SUGCT: variants seen among roughly 807,000 people sequenced by gnomAD.
SUGCT encodes the protein succinyl-CoA:glutarate-CoA transferase.
Under a neutral mutation model 55.0 loss-of-function variants are expected in SUGCT, and 41 were observed. The observed-to-expected ratio is 0.74, with a 90% CI of 0.58 to 0.97. The LOEUF (loss-of-function observed/expected upper bound fraction) is 0.97, where lower values mean the gene tolerates loss of function less well. SUGCT is among the 50% of genes least tolerant of loss of function. The pLI is 0.00. For missense variants in SUGCT, 568 were observed against 547.8 expected (o/e 1.04, Z -0.37); for synonymous variants, 187 against 200.4 (o/e 0.93, Z 0.56).
intron 12 of SUGCT, among the ~76,000 whole-genome samples, chr7:40,571,600 AG>A (rs1248522908): frequency 6.6e-6 from 1 of 152,238 alleles, no homozygotes; most frequent in Non-Finnish European, 1.5e-5. Flanking sequence ...CATTTGACAT[AG>A]TATTTTGAAC....
At chr7:40,274,073 C>CTTTTTTTT (rs386409972) in intron 7 of SUGCT, among the ~76,000 whole-genome samples, 2,522 of 68,056 alleles carry the variant, frequency 0.037, 196 homozygotes, top group African/African-American at 0.056. Flanking sequence ...TTTTTACCTT[C>CTTTTTTTT]TTTTTTTTTT....
chr7:40,632,632 C>A (rs2151811811), intron 12 of SUGCT, among the ~76,000 whole-genome samples: 1 of 151,422 alleles, frequency 6.6e-6, no homozygotes, highest in East Asian at 1.9e-4. Flanking sequence ...TGTTATGTAT[C>A]TGTTTCCATA....
chr7:40,316,987 G>A (rs1299847861), intron 9 of SUGCT, 132 bp downstream of exon 9: 1 of 395,210 alleles, frequency 2.5e-6, no homozygotes, highest in East Asian at 3.8e-5. Context: ...ATGTATCTGT[G>A]TCTGGCTATA....
chr7:40,290,258 T>C (rs1001008055), intron 8 of SUGCT, among the ~76,000 whole-genome samples: 26 of 152,036 alleles, frequency 1.7e-4, no homozygotes, highest in African/African-American at 5.6e-4. Flanking sequence ...TCAAACTATA[T>C]TACAAGGCTA....
rs989110131 is a variant in SUGCT, at chr7:40,673,891, G to A, written c.1090-75543G>A. On this transcript the variant is annotated intron_variant, in intron 12 of 13. Coordinates refer to ENST00000335693, the MANE Select transcript of SUGCT (RefSeq NM_001193313.2). ...TCCCTCAATTATACAAAGGGTTTTT[G>A]CTACCTTAAAAGATATTCCAGATAT... Among the ~76,000 whole-genome samples, 7 of 152,062 alleles carry A rather than the reference G, an allele frequency of 4.6e-5. No homozygotes were observed. The South Asian group carries it at 6.2e-4, about 14-fold the overall frequency.
chr7:40,352,162 T>G (rs1583489070), intron 9 of SUGCT, among the ~76,000 whole-genome samples: 1 of 152,190 alleles, frequency 6.6e-6, no homozygotes, highest in Non-Finnish European at 1.5e-5. Flanking sequence ...AAAGAATTTT[T>G]TGTTCTGAGA....
At chr7:40,910,197 A>G in the SUGCT span, among the ~76,000 whole-genome samples, 1 of 151,894 alleles carries the variant, frequency 6.6e-6, no homozygotes, top group Non-Finnish European at 1.5e-5. Context: ...GAATAGAGGA[A>G]GAGTTGGAGA....
intron 11 of SUGCT, among the ~76,000 whole-genome samples, chr7:40,471,384 A>G (rs1037458720): frequency 6.6e-6 from 1 of 151,822 alleles, no homozygotes; most frequent in African/African-American, 2.4e-5. Flanking sequence ...TTTAAACTGT[A>G]TATAAGTTAT....
At chr7:40,548,186 C>CTTTTT (rs1186226631) in intron 12 of SUGCT, among the ~76,000 whole-genome samples, 79 of 104,974 alleles carry the variant, frequency 7.5e-4, no homozygotes, top group African/African-American at 1.4e-3. Context: ...TTCTTTCTTT[C>CTTTTT]TTTTTTTTTT....
intron 12 of SUGCT, among the ~76,000 whole-genome samples, chr7:40,587,475 T>TA: frequency 6.6e-6 from 1 of 152,340 alleles, no homozygotes; most frequent in South Asian, 2.1e-4. Context: ...ACAACACATA[T>TA]AATAGAAAAA....
intron 12 of SUGCT, among the ~76,000 whole-genome samples, chr7:40,668,710 G>A (rs1801774740): frequency 6.6e-6 from 1 of 152,158 alleles, no homozygotes. Context: ...GCTAAAGAAG[G>A]TGGCAATCTG....
chr7:40,189,640 T>A, intron 5 of SUGCT, 46 bp downstream of exon 5: 1 of 1,119,286 alleles, frequency 8.9e-7, no homozygotes, highest in Non-Finnish European at 1.2e-6. Flanking sequence ...AGGTTATAAT[T>A]AGGGTTTGGA....
chr7:40,482,245 C>T (rs927602253), intron 11 of SUGCT, among the ~76,000 whole-genome samples: 13 of 152,242 alleles, frequency 8.5e-5, no homozygotes, highest in African/African-American at 2.6e-4. Context: ...GAATATTCTT[C>T]AGCCATAGTA....
the SUGCT span, among the ~76,000 whole-genome samples, chr7:40,924,284 G>C: frequency 6.6e-6 from 1 of 151,838 alleles, no homozygotes; most frequent in Non-Finnish European, 1.5e-5. Context: ...GTGTGTGTGT[G>C]TGTGTGTGTG....
At chr7:40,641,627 C>T (rs1225400156) in intron 12 of SUGCT, among the ~76,000 whole-genome samples, 1 of 152,128 alleles carries the variant, frequency 6.6e-6, no homozygotes, top group Non-Finnish European at 1.5e-5. Flanking sequence ...ACCAAACAAA[C>T]CAATGTCAAT....
intron 9 of SUGCT, among the ~76,000 whole-genome samples, chr7:40,442,096 G>A (rs2329774): frequency 0.31 from 46,938 of 151,970 alleles, 7,614 homozygotes; most frequent in Non-Finnish European, 0.36. Flanking sequence ...GAAGTCACAC[G>A]TCTTTTGACT....
In SUGCT at chr7:40,766,623, G is replaced by C. The variant is rs1468360728; in HGVS notation, c.1153+17126G>C. ...ATGTTACTAAGAATTAAGCTTTGAA[G>C]CAAATAATTTTTTCCTGCCATATTC... On this transcript the variant is annotated intron_variant, in intron 13 of 13. Coordinates refer to ENST00000335693, the MANE Select transcript of SUGCT (RefSeq NM_001193313.2). 4.6e-5 allele frequency among the ~76,000 whole-genome samples: 7 copies of C among 152,234 alleles called. No individual in the cohort carries two copies. The East Asian group carries it at 1.4e-3, about 29-fold the overall frequency.
chr7:40,801,308 A>C (rs1002775058), intron 13 of SUGCT, among the ~76,000 whole-genome samples: 3 of 152,216 alleles, frequency 2.0e-5, no homozygotes, highest in Non-Finnish European at 4.4e-5. Context: ...TTTGGAAGCT[A>C]CATTTATGTA....
chr7:40,295,273 A>C (rs934858810), intron 8 of SUGCT, among the ~76,000 whole-genome samples: 1 of 152,140 alleles, frequency 6.6e-6, no homozygotes, highest in African/African-American at 2.4e-5. Context: ...TAGAAAAAAA[A>C]TTACATTTAA....
Sources: allele counts gnomAD v4.1 joint callset (sites outside exome capture counted in the v4.1 genomes callset), GRCh38; gene constraint gnomAD v4.1.1; transcripts MANE v1.5; gene names NCBI Gene and HGNC (gene_info 2026-07-23, HGNC 2026-07-21).